Variants in MYBPHL observed in about 807,000 individuals in gnomAD.
MYBPHL encodes myosin-binding protein H-like.
In MYBPHL, 32 loss-of-function variants were observed where a neutral mutation model predicts 39.5. The observed-to-expected ratio is 0.81, with a 90% CI of 0.61 to 1.09. The LOEUF is 1.09. MYBPHL is among the 50% of genes least tolerant of loss of function. The pLI is 0.00. For synonymous variants in MYBPHL, 196 were observed against 183.7 expected (o/e 1.07, Z -0.54); for missense variants, 456 against 460.2 (o/e 0.99, Z 0.08).
Position 109,295,242 on chromosome 1 carries a change from CTG to C in MYBPHL, c.921_922del (p.Tyr307Ter), listed in dbSNP as rs754146555. 1.2e-6 allele frequency: 2 copies of C among 1,614,136 alleles called. No individual in the cohort carries two copies. Among genetic ancestry groups the C allele is most frequent in the South Asian group, 2.2e-5 (2 of 91,084 alleles). On this transcript the variant is annotated stop_gained and frameshift_variant, in exon 7 of 9. Coordinates refer to ENST00000357155, the MANE Select transcript of MYBPHL (RefSeq NM_001010985.3). LOFTEE classifies it high-confidence loss of function. Reference sequence around the variant, plus strand: ...GCAGATTCCCAGGTGAGTCAGGGCTCTGTACTTAGGGTTGCCTTGGATATCCA... The same window carrying C: ...GCAGATTCCCAGGTGAGTCAGGGCTCTACTTAGGGTTGCCTTGGATATCCA...
chr1:109,294,156 G>A, intron 8 of MYBPHL, 50 bp downstream of exon 8: 1 of 1,229,574 alleles, frequency 8.1e-7, no homozygotes, highest in Non-Finnish European at 1.2e-6. Flanking sequence ...AACAACACTA[G>A]CCATAAACAG....
At chr1:109,304,416 G>A (rs1394248478) in intron 1 of MYBPHL, among the ~76,000 whole-genome samples, 1 of 152,186 alleles carries the variant, frequency 6.6e-6, no homozygotes, top group Non-Finnish European at 1.5e-5. Context: ...CAGTTGGAGC[G>A]ATGATGCTGA....
In MYBPHL at chr1:109,296,802, G is replaced by C; in HGVS notation, c.711C>G (p.Leu237=). 1 of 1,614,118 alleles carries C rather than the reference G, an allele frequency of 6.2e-7. No homozygotes were observed. Among genetic ancestry groups the C allele is most frequent in the Non-Finnish European group, 8.5e-7 (1 of 1,180,024 alleles). The change falls in exon 5 of 9, where the codon CTC becomes CTG. Residue 237 remains leucine, a synonymous_variant. Transcript: ENST00000357155. ...LSETAPITTD[L]AHIQKAATVY... ...CCTTACCTGCTTTCTGGATGTGGGC[G>C]AGGTCCGTAGTGATGGGGGCTGTTT...
intron 5 of MYBPHL, 71 bp from the exon 6 acceptor site, chr1:109,296,441 ATTTTT>A: frequency 1.4e-6 from 2 of 1,393,216 alleles, no homozygotes; most frequent in Non-Finnish European, 9.6e-7. Context: ...TATCCTTAGT[ATTTTT>A]TTTTTTTTTT....
chr1:109,296,278 C>G lies in MYBPHL; in HGVS notation c.823G>C (p.Gly275Arg). 1 of 1,614,036 alleles carries G rather than the reference C, an allele frequency of 6.2e-7. No individual in the cohort carries two copies. The highest frequency in any genetic ancestry group is 2.2e-5 in the East Asian group (1 of 44,870). The change falls in exon 6 of 9, where the codon GGC becomes CGC. Residue 275 changes from glycine (G) to arginine (R), a missense_variant. Coordinates refer to ENST00000357155, the MANE Select transcript of MYBPHL (RefSeq NM_001010985.3). Reference sequence around the variant, plus strand: ...CAGCAGAAGAGCTGGGTATTATAGCCGGTGACTGTAGTGCAGTCGGCCAGA... The same window carrying G: ...CAGCAGAAGAGCTGGGTATTATAGCGGGTGACTGTAGTGCAGTCGGCCAGA... ...QPLADCTTVTGYNTQLFCCVR... is the reference protein window; with the variant it reads ...QPLADCTTVTRYNTQLFCCVR...
intron 1 of MYBPHL, among the ~76,000 whole-genome samples, chr1:109,300,658 G>A (rs1411627931): frequency 1.3e-5 from 2 of 152,210 alleles, no homozygotes; most frequent in Non-Finnish European, 2.9e-5. Flanking sequence ...GGTTTATGTG[G>A]AACATAAGCT....
intron 1 of MYBPHL, among the ~76,000 whole-genome samples, chr1:109,305,442 G>C (rs577499455): frequency 3.0e-4 from 45 of 152,336 alleles, no homozygotes; most frequent in African/African-American, 1.1e-3. Context: ...GCTTTGGGCT[G>C]CATTTGCGGG....
intron 1 of MYBPHL, among the ~76,000 whole-genome samples, chr1:109,302,618 T>C (rs1658332698): frequency 6.6e-6 from 1 of 152,118 alleles, no homozygotes; most frequent in Non-Finnish European, 1.5e-5. Context: ...AACACCCATG[T>C]TTCCAGTCCC....
intron 1 of MYBPHL, among the ~76,000 whole-genome samples, chr1:109,301,612 G>A (rs572005309): frequency 2.6e-5 from 4 of 152,096 alleles, no homozygotes; most frequent in African/African-American, 7.2e-5. Flanking sequence ...GTGGTGGCGG[G>A]CACCTGTAAT....
chr1:109,297,753 TGGACCCTCCCGG>T, intron 2 of MYBPHL, 136 bp from the exon 3 acceptor site: 1 of 765,914 alleles, frequency 1.3e-6, no homozygotes, highest in East Asian at 2.8e-5. Context: ...TAGAAGTTGG[TGGACCCTCCCGG>T]GGGCCTCCTC....
intron 1 of MYBPHL, among the ~76,000 whole-genome samples, chr1:109,303,086 A>C (rs1225990425): frequency 6.6e-6 from 1 of 152,196 alleles, no homozygotes; most frequent in Non-Finnish European, 1.5e-5. Flanking sequence ...TCTGCAGAAT[A>C]GTTTTTAGTT....
intron 1 of MYBPHL, among the ~76,000 whole-genome samples, chr1:109,306,133 T>A (rs918406171): frequency 6.6e-5 from 10 of 152,176 alleles, no homozygotes; most frequent in African/African-American, 2.4e-4. Context: ...CTTAAGACTT[T>A]CAGGTGAGCG....
intron 5 of MYBPHL, 46 bp downstream of exon 5, chr1:109,296,737 C>G: frequency 6.2e-7 from 1 of 1,610,920 alleles, no homozygotes; most frequent in Non-Finnish European, 8.5e-7. Context: ...CTGTGCCCGG[C>G]CTATCCTTAA....
At chr1:109,302,185 C>T (rs1007686502) in intron 1 of MYBPHL, among the ~76,000 whole-genome samples, 1 of 151,798 alleles carries the variant, frequency 6.6e-6, no homozygotes, top group African/African-American at 2.4e-5. Context: ...AGAGAGGGAG[C>T]CTGCATACAC....
At chr1:109,300,931 G>A (rs540622831) in intron 1 of MYBPHL, among the ~76,000 whole-genome samples, 13 of 152,280 alleles carry the variant, frequency 8.5e-5, no homozygotes, top group South Asian at 6.2e-4. Flanking sequence ...GCAGGCTCCC[G>A]GCTCCCTGTG....
chr1:109,295,563 G>C (rs141008404), intron 6 of MYBPHL, among the ~76,000 whole-genome samples: 3 of 152,306 alleles, frequency 2.0e-5, no homozygotes, highest in Admixed American at 6.5e-5. Context: ...TCCGTTCCGG[G>C]CTCTCAGGCA....
Position 109,296,765 on chromosome 1 carries a change from T to C in MYBPHL, c.730+18A>G. The C allele has an allele frequency of 6.2e-7, 1 of 1,613,928 alleles. No homozygotes were observed. Among genetic ancestry groups the C allele is most frequent in the East Asian group, 2.2e-5 (1 of 44,864 alleles). ...ATCCTTAAGTCTTCCCAGCTCATGATCCCCATGCCTCCCTTACCTGCTTTC... is the reference window on the plus strand; with the variant it reads ...ATCCTTAAGTCTTCCCAGCTCATGACCCCCATGCCTCCCTTACCTGCTTTC... On this transcript the variant is annotated intron_variant, in intron 5 of 8. Coordinates refer to ENST00000357155, the MANE Select transcript of MYBPHL (RefSeq NM_001010985.3).
At chr1:109,294,072 A>C (rs1469845142) in intron 8 of MYBPHL, 134 bp downstream of exon 8, 1 of 635,054 alleles carries the variant, frequency 1.6e-6, no homozygotes, top group African/African-American at 1.8e-5. Flanking sequence ...TCAAAAAAAA[A>C]ATGGTTACAA....
chr1:109,302,884 C>T (rs1024630598), intron 1 of MYBPHL, among the ~76,000 whole-genome samples: 6 of 152,206 alleles, frequency 3.9e-5, no homozygotes, highest in Admixed American at 6.5e-5. Flanking sequence ...TGGATGGCTA[C>T]GCGACCAGTT....
Sources: gnomAD v4.1 joint callset for allele counts (sites outside exome capture counted in the v4.1 genomes callset) on GRCh38, gnomAD v4.1.1 for gene constraint, MANE v1.5 for transcripts, NCBI Gene and HGNC (gene_info 2026-07-23, HGNC 2026-07-21) for gene names.